The following PACRG variants were observed in gnomAD, a reference collection of about 807,000 sequenced individuals.
PACRG encodes parkin coregulated, also known as parkin coregulated gene protein.
Under a neutral mutation model 29.7 loss-of-function variants are expected in PACRG, and 29 were observed. That is an observed-to-expected ratio of 0.98 (90% CI 0.73 to 1.33). The LOEUF is 1.33. PACRG is among the 40% of genes most tolerant of loss of function. The pLI is 0.00. For synonymous variants in PACRG, 116 were observed against 118.7 expected (o/e 0.98, Z 0.15); for missense variants, 279 against 316.2 (o/e 0.88, Z 0.89).
intron 1 of PACRG, among the ~76,000 whole-genome samples, chr6:162,743,549 T>G (rs1262926029): frequency 6.6e-6 from 1 of 152,186 alleles, no homozygotes; most frequent in East Asian, 1.9e-4. Context: ...TGGTTTTCTT[T>G]GTATGCTATC....
Position 162,893,127 on chromosome 6 carries a change from G to A in PACRG, c.291+78846G>A, listed in dbSNP as rs184339798. Among the ~76,000 whole-genome samples the A allele has an allele frequency of 8.4e-4, 128 of 152,082 alleles. 1 individual carries two copies. The highest frequency in any genetic ancestry group is 1.9e-3 in the Admixed American group (29 of 15,266). On this transcript the variant is annotated intron_variant, in intron 2 of 4. Coordinates refer to ENST00000366888, the MANE Select transcript of PACRG (RefSeq NM_001080379.2). ...CTATGAATGACCTTTTTCCTTTACT[G>A]TCATCCCTGGTGTCTGTCTTCCTTG... is the stretch of plus-strand genomic sequence containing the variant.
intron 2 of PACRG, among the ~76,000 whole-genome samples, chr6:162,935,843 T>C (rs1429045269): frequency 6.6e-6 from 1 of 152,210 alleles, no homozygotes; most frequent in Admixed American, 6.5e-5. Flanking sequence ...TGTTATCATA[T>C]ATTGAATATT....
chr6:163,031,384 A>G (rs1032092496), intron 2 of PACRG, among the ~76,000 whole-genome samples: 6 of 152,192 alleles, frequency 3.9e-5, no homozygotes, highest in African/African-American at 1.4e-4. Context: ...TACATTACCC[A>G]TCCCTCTTGT....
At chr6:163,239,247 C>T (rs1483537056) in intron 4 of PACRG, among the ~76,000 whole-genome samples, 1 of 152,182 alleles carries the variant, frequency 6.6e-6, no homozygotes, top group African/African-American at 2.4e-5. Flanking sequence ...TTCTAACCTT[C>T]AACTGGAGGA....
chr6:162,933,017 AC>A (rs1797965875), intron 2 of PACRG, among the ~76,000 whole-genome samples: 1 of 151,888 alleles, frequency 6.6e-6, no homozygotes, highest in African/African-American at 2.4e-5. Context: ...TCCTCTGTGT[AC>A]AGAGTTTCCT....
At chr6:163,154,998 A>G (rs908931758) in intron 4 of PACRG, among the ~76,000 whole-genome samples, 2 of 152,112 alleles carry the variant, frequency 1.3e-5, no homozygotes, top group Admixed American at 1.3e-4. Context: ...AACACTCACA[A>G]TGCAACATGA....
intron 1 of PACRG, among the ~76,000 whole-genome samples, chr6:162,742,008 T>C (rs1414312190): frequency 6.6e-6 from 1 of 152,188 alleles, no homozygotes; most frequent in Non-Finnish European, 1.5e-5. Context: ...TTGAATCTAT[T>C]TCTCCTATTT....
chr6:163,151,070 T>A (rs1252261857), intron 4 of PACRG, among the ~76,000 whole-genome samples: 2 of 152,198 alleles, frequency 1.3e-5, no homozygotes, highest in Non-Finnish European at 2.9e-5. Context: ...AACTTTTACA[T>A]CTCAAAGAAG....
At chr6:163,144,312 A>G (rs933678209) in intron 4 of PACRG, among the ~76,000 whole-genome samples, 2 of 151,512 alleles carry the variant, frequency 1.3e-5, no homozygotes. Context: ...TTAAAAAATT[A>G]TGCATGAAAA....
chr6:163,260,296 G>A (rs961847318), intron 4 of PACRG, among the ~76,000 whole-genome samples: 1 of 152,162 alleles, frequency 6.6e-6, no homozygotes, highest in African/African-American at 2.4e-5. Context: ...CATTTCCTGC[G>A]AGGGGAGCTC....
At position 162,969,046 on chromosome 6, in the gene PACRG, C is replaced by CAAAAAAAAAAAA. The variant is rs35665491; in HGVS notation, c.292-93095_292-93084dup. On this transcript the variant is annotated intron_variant, in intron 2 of 4. Coordinates refer to ENST00000366888, the MANE Select transcript of PACRG (RefSeq NM_001080379.2). ...TGGGGAACAGAGCGAGACTCTATCA[C>CAAAAAAAAAAAA]AAAAAAAAAAAAAAAAAAAAGTAAC... Among the ~76,000 whole-genome samples, 46 of 72,824 alleles carry CAAAAAAAAAAAA rather than the reference C, an allele frequency of 6.3e-4. 2 individuals carry two copies. The highest frequency in any genetic ancestry group is 2.0e-3 in the East Asian group (4 of 1,992). 47.8% of individuals were successfully genotyped at this position (72,824 alleles called of 152,430 possible).
intron 2 of PACRG, among the ~76,000 whole-genome samples, chr6:162,975,107 C>G (rs148841519): frequency 2.3e-4 from 35 of 152,264 alleles, no homozygotes; most frequent in Non-Finnish European, 4.6e-4. Context: ...TTGTTGTGTT[C>G]TCTCTGCCTT....
intron 2 of PACRG, among the ~76,000 whole-genome samples, chr6:162,901,412 T>G (rs1424184439): frequency 6.6e-6 from 1 of 152,214 alleles, no homozygotes; most frequent in Non-Finnish European, 1.5e-5. Context: ...TAAGGTTTCT[T>G]TCAATCCTGA....
intron 4 of PACRG, among the ~76,000 whole-genome samples, chr6:163,090,818 A>T (rs990436105): frequency 2.0e-5 from 3 of 152,232 alleles, no homozygotes; most frequent in African/African-American, 7.2e-5. Context: ...TATTAAAGAG[A>T]TGGAAGCATC....
intron 4 of PACRG, among the ~76,000 whole-genome samples, chr6:163,089,709 T>A (rs1470164087): frequency 6.6e-6 from 1 of 152,178 alleles, no homozygotes; most frequent in Non-Finnish European, 1.5e-5. Context: ...TTGAATACAT[T>A]AGTAGGTTTT....
intron 2 of PACRG, among the ~76,000 whole-genome samples, chr6:162,815,337 A>G (rs559464712): frequency 6.6e-6 from 1 of 151,654 alleles, no homozygotes; most frequent in African/African-American, 2.4e-5. Context: ...TAAATAGCTT[A>G]AAAAGGTGCA....
chr6:163,284,529 G>T (rs1342568062), intron 4 of PACRG, among the ~76,000 whole-genome samples: 1 of 152,194 alleles, frequency 6.6e-6, no homozygotes, highest in Non-Finnish European at 1.5e-5. Flanking sequence ...GTGTTTAACA[G>T]ATTAATGTTA....
At chr6:163,225,307 G>T (rs188303166) in intron 4 of PACRG, among the ~76,000 whole-genome samples, 103 of 152,290 alleles carry the variant, frequency 6.8e-4, no homozygotes, top group African/African-American at 2.2e-3. Flanking sequence ...GATCACAGGG[G>T]TGGTTACCCT....
At chr6:162,741,962 G>C (rs1272075530) in intron 1 of PACRG, among the ~76,000 whole-genome samples, 2 of 152,072 alleles carry the variant, frequency 1.3e-5, no homozygotes, top group African/African-American at 4.8e-5. Context: ...AATTCATTGT[G>C]ATTAACTATA....
Sources: gnomAD v4.1 joint callset for allele counts (sites outside exome capture counted in the v4.1 genomes callset) on GRCh38, gnomAD v4.1.1 for gene constraint, MANE v1.5 for transcripts, NCBI Gene and HGNC (gene_info 2026-07-23, HGNC 2026-07-21) for gene names.